Variants in FRRS1L observed in about 807,000 individuals in gnomAD.
FRRS1L encodes ferric chelate reductase 1 like.
Under a neutral mutation model 28.6 loss-of-function variants are expected in FRRS1L, and 22 were observed. The observed-to-expected ratio is 0.77, with a 90% CI of 0.55 to 1.10. FRRS1L has a LOEUF of 1.10. Ranked by LOEUF, FRRS1L falls within the 50% of genes least tolerant of loss-of-function variation. FRRS1L has a pLI of 0.00. For synonymous variants in FRRS1L, 158 were observed against 151.4 expected (o/e 1.04, Z -0.32); for missense variants, 380 against 386.9 (o/e 0.98, Z 0.15).
chr9:109,141,673 C>G, intron 3 of FRRS1L, 84 bp from the exon 4 acceptor site: 4 of 1,426,136 alleles, frequency 2.8e-6, no homozygotes, highest in Non-Finnish European at 3.8e-6. Flanking sequence ...ATTCCATCAT[C>G]TCTGCAATTT....
chr9:109,157,930 G>A (rs910429706), intron 1 of FRRS1L, among the ~76,000 whole-genome samples: 7 of 152,138 alleles, frequency 4.6e-5, no homozygotes, highest in African/African-American at 1.2e-4. Flanking sequence ...GAAATATTTT[G>A]TATAGTACTT....
At chr9:109,138,110 C>T (rs544853696) in intron 4 of FRRS1L, 51 of 152,464 alleles carry the variant, frequency 3.3e-4, no homozygotes, top group African/African-American at 1.2e-3. Context: ...CTAACGTCTC[C>T]CTTACAGATG....
intron 1 of FRRS1L, 68 bp downstream of exon 1, chr9:109,166,818 GCCCCCTCTCCTCGTT>G (rs1831557360): frequency 1.7e-5 from 1 of 57,236 alleles, no homozygotes; most frequent in African/African-American, 7.7e-5. Flanking sequence ...CCCCTCCCTC[GCCCCCTCTCCTCGTT>G]CCCCCGATCC....
At chr9:109,148,125 C>CA (rs1276172666) in intron 2 of FRRS1L, 1 of 152,254 alleles carries the variant, frequency 6.6e-6, no homozygotes, top group Non-Finnish European at 1.5e-5. Context: ...TGGGTCACCA[C>CA]ACCTGGCTAA....
intron 1 of FRRS1L, among the ~76,000 whole-genome samples, chr9:109,161,685 T>A (rs1248501407): frequency 2.0e-5 from 3 of 152,242 alleles, no homozygotes; most frequent in Admixed American, 6.5e-5. Flanking sequence ...TCTGGTTTGC[T>A]ATTTATTGCT....
chr9:109,131,588 T>C lies in FRRS1L; in HGVS notation c.*5867A>G, dbSNP rs570342472. The stretch of plus-strand genomic sequence containing the variant: ...GGTTATGTCTCAGTAAACCCATCAA[T>C]TGTAAGTTGAAAATATCATAAGTCA... On this transcript the variant is annotated 3_prime_UTR_variant, in exon 5 of 5. Transcript: ENST00000561981. 2 of 152,346 alleles carry C rather than the reference T, an allele frequency of 1.3e-5. No individual in the cohort carries two copies. Among genetic ancestry groups the C allele is most frequent in the Non-Finnish European group, 2.9e-5 (2 of 68,026 alleles). The allele number at this position is 152,346 out of a possible 1,614,324, so 9.4% of individuals were successfully genotyped here.
At chr9:109,146,480 G>A (rs991610746) in intron 3 of FRRS1L, among the ~76,000 whole-genome samples, 4 of 152,200 alleles carry the variant, frequency 2.6e-5, no homozygotes, top group African/African-American at 9.6e-5. Context: ...AGGACACCTA[G>A]CTGTCCACTG....
chr9:109,148,958 AC>A (rs1275385291), intron 2 of FRRS1L, among the ~76,000 whole-genome samples: 2 of 152,200 alleles, frequency 1.3e-5, no homozygotes, highest in African/African-American at 4.8e-5. Context: ...GTACTGAACA[AC>A]AGCAAAATCA....
At position 109,147,059 on chromosome 9, in the gene FRRS1L, T is replaced by C. The variant is rs763406191; in HGVS notation, c.454A>G (p.Lys152Glu). The C allele has an allele frequency of 6.2e-7, 1 of 1,613,978 alleles. No individual in the cohort carries two copies. The highest frequency in any genetic ancestry group is 1.1e-5 in the South Asian group (1 of 91,048). Residue 152 changes from lysine to glutamate, a missense_variant, in exon 3 of 5, where the codon AAG (lysine) becomes GAG (glutamate). By Grantham distance (56) the Lys-to-Glu change is moderately conservative (BLOSUM62 1). Coordinates refer to ENST00000561981, the MANE Select transcript of FRRS1L (RefSeq NM_014334.4). ...CATGTTTTGCATCTTACCATTTTCT[T>C]GTCTGAAGAGAATCCAACTGCTACC... ...GWVAVGFSSD[K>E]KMGGDDVMAC...
rs1323317956 is a variant in FRRS1L at position 109,132,354 on chromosome 9, G to A, written c.*5101C>T. The stretch of plus-strand genomic sequence containing the variant: ...TCCTTACCATGAAGAGCAGTTCAGC[G>A]CAATGGTTGTCCATGATCACCACAG... On this transcript the variant is annotated 3_prime_UTR_variant, in exon 5 of 5. Transcript: ENST00000561981. 3 of 152,168 alleles carry A rather than the reference G, an allele frequency of 2.0e-5. No homozygotes were observed. Among genetic ancestry groups the A allele is most frequent in the African/African-American group, 4.8e-5 (2 of 41,442 alleles). 9.4% of individuals were successfully genotyped at this position (152,168 alleles called of 1,614,324 possible). A position where few individuals can be genotyped will look rare whatever the true frequency, so the allele number is the denominator to read the frequency against.
chr9:109,155,821 T>G (rs1831397048), intron 1 of FRRS1L, among the ~76,000 whole-genome samples: 1 of 151,932 alleles, frequency 6.6e-6, no homozygotes, highest in African/African-American at 2.4e-5. Context: ...GCTAAAGGTA[T>G]AGGATTTCTT....
intron 1 of FRRS1L, among the ~76,000 whole-genome samples, chr9:109,153,243 T>C (rs1831358459): frequency 1.3e-5 from 2 of 152,178 alleles, no homozygotes; most frequent in African/African-American, 4.8e-5. Context: ...AAAAACCATG[T>C]AATTAGAAGG....
At chr9:109,139,926 G>A (rs959651860) in intron 4 of FRRS1L, 1 of 152,190 alleles carries the variant, frequency 6.6e-6, no homozygotes, top group Non-Finnish European at 1.5e-5. Flanking sequence ...CAATTACCAG[G>A]AGCCAGAATG....
chr9:109,154,714 T>C (rs2118498233), intron 1 of FRRS1L, among the ~76,000 whole-genome samples: 1 of 152,296 alleles, frequency 6.6e-6, no homozygotes, highest in South Asian at 2.1e-4. Context: ...AGACACGAGG[T>C]CCAGCATATT....
At chr9:109,151,572 C>T in intron 1 of FRRS1L, 2 of 242,846 alleles carry the variant, frequency 8.2e-6, no homozygotes, top group South Asian at 6.4e-5. Context: ...CTTCTAGTTG[C>T]AGGAAAACAA....
In FRRS1L at chr9:109,132,188, G is replaced by A. The variant is rs1017419407; in HGVS notation, c.*5267C>T. The A allele has an allele frequency of 2.6e-5, 4 of 152,150 alleles. No individual in the cohort carries two copies. The highest frequency in any genetic ancestry group is 9.7e-5 in the African/African-American group (4 of 41,376). The allele number at this position is 152,150 out of a possible 1,614,324, so 9.4% of individuals were successfully genotyped here. On this transcript the variant is annotated 3_prime_UTR_variant, in exon 5 of 5. Coordinates refer to ENST00000561981, the MANE Select transcript of FRRS1L (RefSeq NM_014334.4). ...GATGGGGTTTCACCGTGTCAGCCAG[G>A]ATGGTCTCGATCTCCTGATCTCGTG...
chr9:109,149,594 C>G (rs375074290), intron 2 of FRRS1L, 42 bp downstream of exon 2: 1 of 1,298,718 alleles, frequency 7.7e-7, no homozygotes, highest in East Asian at 2.3e-5. Flanking sequence ...AGAAGTAAAT[C>G]AGTCTTAGCC....
chr9:109,150,957 GT>G (rs1426509732), intron 1 of FRRS1L: 3 of 152,034 alleles, frequency 2.0e-5, no homozygotes, highest in African/African-American at 7.2e-5. Flanking sequence ...TATTTTATGA[GT>G]TTTTTTCTTG....
At chr9:109,152,121 A>G (rs993756001) in intron 1 of FRRS1L, 2 of 152,088 alleles carry the variant, frequency 1.3e-5, no homozygotes, top group Admixed American at 1.3e-4. Context: ...CAGCTCAATA[A>G]ATACCAGTTA....
Sources: gnomAD v4.1 joint callset for allele counts (sites outside exome capture counted in the v4.1 genomes callset) on GRCh38, gnomAD v4.1.1 for gene constraint, MANE v1.5 for transcripts, NCBI Gene and HGNC (gene_info 2026-07-23, HGNC 2026-07-21) for gene names.